Variants in HCRTR2 observed in about 807,000 individuals in gnomAD.
HCRTR2 encodes the protein orexin receptor type 2.
Under a neutral mutation model 49.0 loss-of-function variants are expected in HCRTR2, and 22 were observed. The ratio of observed to expected loss-of-function variants is 0.45; its 90% CI spans 0.32 to 0.64. The LOEUF is 0.64. HCRTR2 is among the 30% of genes least tolerant of loss of function. The pLI is 0.04. For synonymous variants in HCRTR2, 236 were observed against 205.3 expected, an observed-to-expected ratio of 1.15 and a Z score of -1.28; for missense variants, 491 against 559.4, an observed-to-expected ratio of 0.88 and a Z score of 1.23.
At chr6:55,247,247 C>A (rs570159076) in intron 1 of HCRTR2, among the ~76,000 whole-genome samples, 1 of 151,948 alleles carries the variant, frequency 6.6e-6, no homozygotes, top group African/African-American at 2.4e-5. Context: ...TTAAGGTTCA[C>A]CTGAGTTTTG....
At chr6:55,147,790 G>C (rs1027365245) in intron 1 of HCRTR2, among the ~76,000 whole-genome samples, 1 of 152,160 alleles carries the variant, frequency 6.6e-6, no homozygotes, top group Non-Finnish European at 1.5e-5. Context: ...ACATGACTTT[G>C]TATAGGCTCT....
chr6:55,152,696 A>T (rs893929105), intron 1 of HCRTR2, among the ~76,000 whole-genome samples: 1 of 151,960 alleles, frequency 6.6e-6, no homozygotes, highest in African/African-American at 2.4e-5. Flanking sequence ...AGCTCTCTGA[A>T]GTCCCTTCGA....
At chr6:55,148,718 C>A (rs908702060) in intron 1 of HCRTR2, among the ~76,000 whole-genome samples, 11 of 152,042 alleles carry the variant, frequency 7.2e-5, no homozygotes, top group African/African-American at 2.7e-4. Context: ...CTCTATAAGG[C>A]TGAGATTGTG....
intron 2 of HCRTR2, among the ~76,000 whole-genome samples, chr6:55,254,800 A>G (rs1378710841): frequency 2.6e-5 from 4 of 151,742 alleles, no homozygotes; most frequent in African/African-American, 9.7e-5. Context: ...GATTTCTTCC[A>G]ATCAATGGAA....
chr6:55,179,226 A>G (rs1328165161), intron 1 of HCRTR2, among the ~76,000 whole-genome samples: 1 of 152,042 alleles, frequency 6.6e-6, no homozygotes. Flanking sequence ...GGGTGTTTGT[A>G]AACCCATCCT....
At chr6:55,133,386 A>AC (rs2127248220) in intron 1 of HCRTR2, among the ~76,000 whole-genome samples, 1 of 87,252 alleles carries the variant, frequency 1.1e-5, no homozygotes, top group South Asian at 4.1e-4. Context: ...CACACACACA[A>AC]AAAAACACAC....
At chr6:55,165,888 AAGTTCATCAAAAG>A (rs1425670945) in intron 1 of HCRTR2, among the ~76,000 whole-genome samples, 1 of 151,572 alleles carries the variant, frequency 6.6e-6, no homozygotes, top group East Asian at 2.0e-4. Context: ...AATGACCAAC[AAGTTCATCAAAAG>A]ATGCTCATCA....
At chr6:55,273,613 A>G (rs895219771) in intron 4 of HCRTR2, among the ~76,000 whole-genome samples, 1 of 152,114 alleles carries the variant, frequency 6.6e-6, no homozygotes, top group Non-Finnish European at 1.5e-5. Context: ...GAAAGTTACC[A>G]ATGATTTCTA....
At chr6:55,270,609 G>T (rs542041706) in intron 4 of HCRTR2, among the ~76,000 whole-genome samples, 4 of 152,110 alleles carry the variant, frequency 2.6e-5, no homozygotes, top group African/African-American at 9.7e-5. Flanking sequence ...GTGACAGGTC[G>T]TGTCAAAAGT....
At chr6:55,215,544 G>T (rs1765772509) in intron 1 of HCRTR2, among the ~76,000 whole-genome samples, 1 of 152,108 alleles carries the variant, frequency 6.6e-6, no homozygotes, top group South Asian at 2.1e-4. Flanking sequence ...ATATTATAAT[G>T]GTGGTGGGTA....
chr6:55,138,469 A>C (rs1764461142), intron 1 of HCRTR2, among the ~76,000 whole-genome samples: 1 of 152,224 alleles, frequency 6.6e-6, no homozygotes, highest in Admixed American at 6.5e-5. Context: ...TACTGCTTAA[A>C]ACATGTGGCC....
intron 1 of HCRTR2, among the ~76,000 whole-genome samples, chr6:55,185,634 C>T (rs1308071146): frequency 1.3e-5 from 2 of 152,040 alleles, no homozygotes; most frequent in Non-Finnish European, 2.9e-5. Flanking sequence ...ATTAAAAATG[C>T]TGAAAACTGG....
At chr6:55,106,844 ACAT>A (rs1763981841) in intron 1 of HCRTR2, among the ~76,000 whole-genome samples, 1 of 152,100 alleles carries the variant, frequency 6.6e-6, no homozygotes, top group East Asian at 1.9e-4. Context: ...GCACATGCCT[ACAT>A]GCCCCTTTTG....
chr6:55,107,376 G>A (rs1581775711), intron 1 of HCRTR2, among the ~76,000 whole-genome samples: 1 of 151,872 alleles, frequency 6.6e-6, no homozygotes, highest in Admixed American at 6.6e-5. Context: ...CTTGTTTTCG[G>A]TTTCAGAGAT....
intron 2 of HCRTR2, 103 bp downstream of exon 2, chr6:55,248,920 T>A: frequency 1.0e-6 from 1 of 959,476 alleles, no homozygotes; most frequent in Non-Finnish European, 1.7e-6. Context: ...TATATTTGCC[T>A]AAGGCATTGA....
chr6:55,236,190 A>T (rs7754431), intron 1 of HCRTR2, among the ~76,000 whole-genome samples: 15,619 of 151,918 alleles, frequency 0.1, 1,117 homozygotes, highest in African/African-American at 0.21. Flanking sequence ...CATATTTTAC[A>T]GTGCAGAAAT....
At chr6:55,161,783 G>A (rs1310466556) in intron 1 of HCRTR2, among the ~76,000 whole-genome samples, 1 of 152,042 alleles carries the variant, frequency 6.6e-6, no homozygotes, top group East Asian at 1.9e-4. Context: ...ACTAAACCAG[G>A]AAGAAGTCAA....
intron 5 of HCRTR2, 76 bp downstream of exon 5, chr6:55,277,676 A>C (rs1451647159): frequency 1.4e-6 from 1 of 722,806 alleles, no homozygotes; most frequent in Non-Finnish European, 2.2e-6. Flanking sequence ...TTTTTTTTTT[A>C]ACTAAGCCAG....
At chr6:55,246,825 T>G (rs1331545198) in intron 1 of HCRTR2, among the ~76,000 whole-genome samples, 1 of 152,098 alleles carries the variant, frequency 6.6e-6, no homozygotes, top group Non-Finnish European at 1.5e-5. Context: ...AAAAAATGCT[T>G]AGAACAAGGC....
Sources: gnomAD v4.1 joint callset for allele counts (sites outside exome capture counted in the v4.1 genomes callset) on GRCh38, gnomAD v4.1.1 for gene constraint, MANE v1.5 for transcripts, NCBI Gene and HGNC (gene_info 2026-07-23, HGNC 2026-07-21) for gene names.